The following DYNC2LI1 variants were observed in gnomAD, a reference collection of about 807,000 sequenced individuals.
The protein encoded by DYNC2LI1 is dynein cytoplasmic 2 light intermediate chain 1, also known as cytoplasmic dynein 2 light intermediate chain 1.
Under a neutral mutation model 51.9 loss-of-function variants are expected in DYNC2LI1, and 45 were observed. The observed-to-expected ratio is 0.87, with a 90% CI of 0.68 to 1.11. The LOEUF is 1.11. Ranked by LOEUF, DYNC2LI1 falls within the 50% of genes most tolerant of loss-of-function variation. The pLI, the probability that DYNC2LI1 is intolerant of heterozygous loss-of-function variation, is 0.00. For synonymous variants in DYNC2LI1, 130 were observed against 137.8 expected (o/e 0.94, Z 0.40); for missense variants, 490 against 417.4 (o/e 1.17, Z -1.51).
intron 9 of DYNC2LI1, 113 bp downstream of exon 9, chr2:43,801,030 A>G (rs1450248124): frequency 2.1e-5 from 9 of 436,396 alleles, no homozygotes; most frequent in Admixed American, 4.1e-5. Flanking sequence ...AAAGTGACCC[A>G]GATGGCTTTT....
chr2:43,826,368 G>A, the DYNC2LI1 span: 6 of 1,613,812 alleles, frequency 3.7e-6, no homozygotes, highest in South Asian at 4.4e-5. Flanking sequence ...GCCTTTACGA[G>A]TTGAACCTCT....
intron 8 of DYNC2LI1, among the ~76,000 whole-genome samples, chr2:43,800,008 A>G (rs1666023021): frequency 6.6e-6 from 1 of 152,184 alleles, no homozygotes; most frequent in Non-Finnish European, 1.5e-5. Context: ...TGGAATTACC[A>G]TTGGAACCAT....
the DYNC2LI1 span, among the ~76,000 whole-genome samples, chr2:43,815,864 C>T: frequency 6.9e-6 from 1 of 143,998 alleles, no homozygotes; most frequent in South Asian, 2.2e-4. Flanking sequence ...AACGTGACTC[C>T]AGCAAGAAGG....
At chr2:43,804,024 A>G (rs201540888) in intron 10 of DYNC2LI1, among the ~76,000 whole-genome samples, 1 of 152,140 alleles carries the variant, frequency 6.6e-6, no homozygotes, top group East Asian at 1.9e-4. Context: ...TAAAAAAACT[A>G]TTTGCTTTAA....
At chr2:43,780,761 A>C (rs78905905) in intron 2 of DYNC2LI1, among the ~76,000 whole-genome samples, 4,701 of 152,102 alleles carry the variant, frequency 0.031, 110 homozygotes, top group Middle Eastern at 0.068. Flanking sequence ...CAGAGTTAGG[A>C]AATTCAGAGT....
At chr2:43,784,211 A>C (rs1397171491) in intron 3 of DYNC2LI1, among the ~76,000 whole-genome samples, 5 of 152,234 alleles carry the variant, frequency 3.3e-5, no homozygotes, top group Non-Finnish European at 7.3e-5. Flanking sequence ...TTTTTAAAGG[A>C]TACAAATAAT....
At chr2:43,774,644 A>C (rs1264971763) in intron 1 of DYNC2LI1, among the ~76,000 whole-genome samples, 1 of 152,242 alleles carries the variant, frequency 6.6e-6, no homozygotes, top group Non-Finnish European at 1.5e-5. Context: ...CCTGTTCACA[A>C]GATATTCCTA....
chr2:43,819,774 GAGC>G, the DYNC2LI1 span: 3 of 886,550 alleles, frequency 3.4e-6, no homozygotes. Flanking sequence ...AATGATTAAC[GAGC>G]AGTATAAATG....
chr2:43,801,674 T>G lies in DYNC2LI1; in HGVS notation c.767T>G (p.Phe256Cys). The G allele has an allele frequency of 6.2e-7, 1 of 1,610,396 alleles. No homozygotes were observed. Residue 256 changes from phenylalanine (F) to cysteine (C), a missense_variant, in exon 10 of 13, where the codon TTT becomes TGT. Phe to Cys is a radical substitution (Grantham distance 205). Coordinates refer to ENST00000260605, the MANE Select transcript of DYNC2LI1 (RefSeq NM_016008.4). ...TGTGTGGATCAGAATAAACCGCTGT[T>G]TATCACAGCAGGATTGGATTCTTTC... is the stretch of plus-strand genomic sequence containing the variant. ...SICVDQNKPL[F>C]ITAGLDSFGQ...
At chr2:43,817,097 C>T in the DYNC2LI1 span, among the ~76,000 whole-genome samples, 2,497 of 152,224 alleles carry the variant, frequency 0.016, 48 homozygotes, top group African/African-American at 0.05. Flanking sequence ...TAATTTTCAG[C>T]GATGGAAGTG....
chr2:43,800,689 G>A, intron 8 of DYNC2LI1, 152 bp from the exon 9 acceptor site: 2 of 466,230 alleles, frequency 4.3e-6, no homozygotes, highest in South Asian at 3.8e-5. Context: ...CTTTATTCAG[G>A]TTTTGTTTTG....
Position 43,801,629 on chromosome 2 carries a change from C to T in DYNC2LI1, c.732-10C>T. On this transcript the variant is annotated splice_polypyrimidine_tract_variant and intron_variant, in intron 9 of 12. Coordinates refer to ENST00000260605, the MANE Select transcript of DYNC2LI1 (RefSeq NM_016008.4). The stretch of plus-strand genomic sequence containing the variant: ...TAAACTAATTTAGAATCTTTCTCTT[C>T]TCCACGTAGCAAATCAATATGTGTG... 1 of 1,600,876 alleles carries T rather than the reference C, an allele frequency of 6.2e-7. No individual in the cohort carries two copies. The highest frequency in any genetic ancestry group is 8.5e-7 in the Non-Finnish European group (1 of 1,172,124).
chr2:43,779,043 C>T (rs1216044752), intron 2 of DYNC2LI1, among the ~76,000 whole-genome samples: 1 of 151,988 alleles, frequency 6.6e-6, no homozygotes, highest in Non-Finnish European at 1.5e-5. Context: ...ATTGCTTGAG[C>T]CCAGGAGTTC....
intron 5 of DYNC2LI1, chr2:43,793,600 C>CT (rs368339767): frequency 0.31 from 44,324 of 141,664 alleles, 7,344 homozygotes; most frequent in Middle Eastern, 0.48. Flanking sequence ...CTTTTGCCTT[C>CT]TTTTTTTTTT....
rs538608341 is a variant in DYNC2LI1, at chr2:43,801,833, C to T, written c.802+124C>T. ...GTTTCATTATCATTGCTGTTATTTC[C>T]TGTGTGTTTGTTTATATGCCCAGTA... is the stretch of plus-strand genomic sequence containing the variant. On this transcript the variant is annotated intron_variant, in intron 10 of 12. Transcript: ENST00000260605. 3.1e-5 allele frequency: 21 copies of T among 672,366 alleles called. No homozygotes were observed. In the Admixed American group the frequency reaches 5.2e-4, roughly 17 times the overall value. 41.7% of individuals were successfully genotyped at this position (672,366 alleles called of 1,614,324 possible). A position where few individuals can be genotyped will look rare whatever the true frequency, so the allele number is the denominator to read the frequency against.
chr2:43,821,613 A>C, the DYNC2LI1 span, among the ~76,000 whole-genome samples: 1 of 152,150 alleles, frequency 6.6e-6, no homozygotes, highest in Non-Finnish European at 1.5e-5. Flanking sequence ...AAGCAATGGA[A>C]GGTGTGCTGG....
chr2:43,822,956 T>C, the DYNC2LI1 span: 4 of 1,612,796 alleles, frequency 2.5e-6, no homozygotes, highest in Admixed American at 1.7e-5. Flanking sequence ...AAGGCAGGTT[T>C]CAGAACAGTC....
At chr2:43,794,207 T>TTTAGTTCAAACAGA (rs1170435425) in intron 5 of DYNC2LI1, 5 of 365,370 alleles carry the variant, frequency 1.4e-5, no homozygotes, top group Non-Finnish European at 2.5e-5. Context: ...TGAACTAAAC[T>TTTAGTTCAAACAGA]ACTTTTAATT....
the DYNC2LI1 span, among the ~76,000 whole-genome samples, chr2:43,816,467 C>G: frequency 1.3e-5 from 2 of 152,184 alleles, no homozygotes; most frequent in African/African-American, 4.8e-5. Flanking sequence ...AAGGCACAGA[C>G]AGAAGGAGAA....
Sources: allele counts gnomAD v4.1 joint callset (sites outside exome capture counted in the v4.1 genomes callset), GRCh38; gene constraint gnomAD v4.1.1; transcripts MANE v1.5; gene names NCBI Gene and HGNC (gene_info 2026-07-23, HGNC 2026-07-21).